The following SPATA17 variants were observed in gnomAD, a reference collection of about 807,000 sequenced individuals.
SPATA17 encodes the protein spermatogenesis-associated protein 17.
SPATA17 carries 53 observed loss-of-function variants against 62.2 expected under a neutral mutation model. That is an observed-to-expected ratio of 0.85 (90% CI 0.68 to 1.07). SPATA17 has a LOEUF of 1.07. Ranked by LOEUF, SPATA17 falls within the 50% of genes least tolerant of loss-of-function variation. The pLI, the probability that SPATA17 is intolerant of heterozygous loss-of-function variation, is 0.00. For synonymous variants in SPATA17, 146 were observed against 146.8 expected (o/e 0.99, Z 0.04); for missense variants, 466 against 425.5 (o/e 1.10, Z -0.84).
intron 5 of SPATA17, among the ~76,000 whole-genome samples, chr1:217,713,258 T>A (rs958000647): frequency 6.6e-6 from 1 of 152,180 alleles, no homozygotes; most frequent in Non-Finnish European, 1.5e-5. Context: ...CAGGATGTTT[T>A]TTTTTTCCTA....
At chr1:217,772,682 C>T (rs563199823) in intron 6 of SPATA17, among the ~76,000 whole-genome samples, 21 of 152,206 alleles carry the variant, frequency 1.4e-4, no homozygotes, top group East Asian at 7.7e-4. Context: ...CTGAACTGTG[C>T]GTTGTTATTC....
At chr1:217,727,402 A>G (rs1169547375) in intron 5 of SPATA17, among the ~76,000 whole-genome samples, 3 of 151,826 alleles carry the variant, frequency 2.0e-5, no homozygotes, top group East Asian at 3.9e-4. Context: ...TTCTATTTTG[A>G]AGATCATCAG....
At chr1:217,680,386 T>C (rs1322673479) in intron 4 of SPATA17, among the ~76,000 whole-genome samples, 5 of 152,234 alleles carry the variant, frequency 3.3e-5, no homozygotes, top group Non-Finnish European at 5.9e-5. Flanking sequence ...ATTTATATTA[T>C]GTATACATAT....
rs560591615 is a variant in SPATA17, at chr1:217,704,230, CTTTTTTTTTTTTTTTTT to C, written c.395+20884_395+20900del. ...TCCTAACTCTCCTCCTTCCCTCTAC[CTTTTTTTTTTTTTTTTT>C]TTTTTTTTTTTTTTGAGACGGAGTC... On this transcript the variant is annotated intron_variant, in intron 5 of 10. Coordinates refer to ENST00000366933, the MANE Select transcript of SPATA17 (RefSeq NM_138796.4). Among the ~76,000 whole-genome samples, 13 of 41,722 alleles carry C rather than the reference CTTTTTTTTTTTTTTTTT, an allele frequency of 3.1e-4. No individual in the cohort carries two copies. In the South Asian group the frequency reaches 0.017, roughly 53 times the overall value. The allele number at this position is 41,722 out of a possible 152,430, so 27.4% of individuals were successfully genotyped here. A position where few individuals can be genotyped will look rare whatever the true frequency, so the allele number is the denominator to read the frequency against.
intron 5 of SPATA17, among the ~76,000 whole-genome samples, chr1:217,706,855 CCTTT>C (rs1166155047): frequency 4.6e-4 from 68 of 149,264 alleles, no homozygotes; most frequent in African/African-American, 8.8e-4. Flanking sequence ...TTTCTTTCTT[CCTTT>C]CTTTCTTTCT....
chr1:217,661,017 C>A (rs184812256), intron 3 of SPATA17, among the ~76,000 whole-genome samples: 26 of 152,216 alleles, frequency 1.7e-4, no homozygotes, highest in African/African-American at 5.8e-4. Flanking sequence ...TCAGCAAAAT[C>A]TCTGGCACAT....
rs370367299 is a variant in SPATA17, at chr1:217,782,176, G to A, written c.726G>A (p.Gly242=). 3.8e-6 allele frequency: 6 copies of A among 1,587,918 alleles called. No individual in the cohort carries two copies. The highest frequency in any genetic ancestry group is 2.3e-5 in the East Asian group (1 of 44,248). The change falls in exon 8 of 11, where the codon GGG becomes GGA. Residue 242 remains glycine (G), a splice_region_variant and synonymous_variant. Transcript: ENST00000366933. ...LPPINRKQCQ[G]PFRDITEVLE... is the part of the protein sequence containing the mutation. ...TGTTCCTCATCCTGTCTTGTCAGGG[G>A]CCCTTCCGAGATATCACCGAAGTAT...
intron 9 of SPATA17, among the ~76,000 whole-genome samples, chr1:217,825,568 A>G (rs1674980853): frequency 6.6e-6 from 1 of 151,918 alleles, no homozygotes; most frequent in Non-Finnish European, 1.5e-5. Context: ...GCTAATATGA[A>G]TATTATGTTG....
intron 8 of SPATA17, among the ~76,000 whole-genome samples, chr1:217,791,828 G>A (rs1674000712): frequency 6.6e-6 from 1 of 152,162 alleles, no homozygotes; most frequent in South Asian, 2.1e-4. Flanking sequence ...TTAGAAATGG[G>A]AGTCAATGGG....
chr1:217,773,254 A>G (rs1282834394), intron 6 of SPATA17, among the ~76,000 whole-genome samples: 1 of 152,192 alleles, frequency 6.6e-6, no homozygotes, highest in Non-Finnish European at 1.5e-5. Context: ...GAATGTTTAT[A>G]GATATGTTGA....
chr1:217,709,027 GAA>G (rs1671798950), intron 5 of SPATA17, among the ~76,000 whole-genome samples: 1 of 151,970 alleles, frequency 6.6e-6, no homozygotes, highest in Admixed American at 6.6e-5. Flanking sequence ...GGCATTGAAG[GAA>G]CATACTTCAA....
chr1:217,696,883 ACT>A (rs1671472781), intron 5 of SPATA17, among the ~76,000 whole-genome samples: 3 of 152,066 alleles, frequency 2.0e-5, no homozygotes, highest in Non-Finnish European at 2.9e-5. Context: ...AATATGAGAG[ACT>A]CAGATTTCTT....
rs184695038 is a variant in SPATA17, at chr1:217,834,804, G to A, written c.1006-27970G>A. Among the ~76,000 whole-genome samples, 576 of 152,134 alleles carry A rather than the reference G, an allele frequency of 3.8e-3. 4 individuals are homozygous for A. The highest frequency in any genetic ancestry group is 4.6e-3 in the Non-Finnish European group (315 of 68,002). On this transcript the variant is annotated intron_variant, in intron 9 of 10. Coordinates refer to ENST00000366933, the MANE Select transcript of SPATA17 (RefSeq NM_138796.4). ...TACAGTGTTTATATATGAAGTCTAC[G>A]TTAACGTCCTAGGCCTTCACATTCA...
At chr1:217,801,522 G>A (rs1558056581) in intron 8 of SPATA17, among the ~76,000 whole-genome samples, 196 bp from the exon 9 acceptor site, 1 of 152,054 alleles carries the variant, frequency 6.6e-6, no homozygotes, top group African/African-American at 2.4e-5. Context: ...ATCTCTATTT[G>A]CAGAATAGAA....
intron 5 of SPATA17, among the ~76,000 whole-genome samples, chr1:217,729,029 T>TGAA (rs1672336402): frequency 6.6e-6 from 1 of 152,208 alleles, no homozygotes; most frequent in African/African-American, 2.4e-5. Context: ...AGGAAGGCAC[T>TGAA]TTTAGTTTAT....
Position 217,782,217 on chromosome 1 carries a change from G to A in SPATA17, c.767G>A (p.Arg256Lys), listed in dbSNP as rs1279772789. The A allele has an allele frequency of 6.2e-7, 1 of 1,612,640 alleles. No individual in the cohort carries two copies. Among genetic ancestry groups the A allele is most frequent in the Non-Finnish European group, 8.5e-7 (1 of 1,179,250 alleles). ...DITEVLEQRY[R>K]PLEPTLRVAE... ...ACCGAAGTATTAGAACAACGCTACA[G>A]GCCTTTGGAGCCAACGTTGCGGGTG... is the stretch of plus-strand genomic sequence containing the variant. Residue 256 changes from arginine (R) to lysine (K), a missense_variant, in exon 8 of 11, where the codon AGG (arginine) becomes AAG (lysine). Arg to Lys is a conservative substitution (Grantham distance 26, BLOSUM62 2). Coordinates refer to ENST00000366933, the MANE Select transcript of SPATA17 (RefSeq NM_138796.4).
chr1:217,791,582 G>A (rs537161692), intron 8 of SPATA17, among the ~76,000 whole-genome samples: 22 of 152,202 alleles, frequency 1.4e-4, no homozygotes, highest in African/African-American at 5.1e-4. Context: ...AGACACCTGC[G>A]TCTAAAGAAG....
At chr1:217,770,918 G>A (rs575596082) in intron 6 of SPATA17, among the ~76,000 whole-genome samples, 2 of 142,590 alleles carry the variant, frequency 1.4e-5, no homozygotes, top group East Asian at 4.3e-4. Context: ...AAGTTCCCAT[G>A]ATGGAGAGTC....
At chr1:217,744,519 C>T (rs1672704079) in intron 6 of SPATA17, among the ~76,000 whole-genome samples, 3 of 148,702 alleles carry the variant, frequency 2.0e-5, no homozygotes, top group African/African-American at 7.4e-5. Flanking sequence ...ACACTTGAAT[C>T]ATAGACCTTA....
Sources: allele counts gnomAD v4.1 joint callset (sites outside exome capture counted in the v4.1 genomes callset), GRCh38; gene constraint gnomAD v4.1.1; transcripts MANE v1.5; gene names NCBI Gene and HGNC (gene_info 2026-07-23, HGNC 2026-07-21).